The following KCNT1 variants were observed in gnomAD, a reference collection of about 807,000 sequenced individuals.
KCNT1 encodes the protein potassium sodium-activated channel subfamily T member 1, also known as potassium channel subfamily T member 1.
Under a neutral mutation model 147.8 loss-of-function variants are expected in KCNT1, and 78 were observed. That is an observed-to-expected ratio of 0.53 (90% confidence interval 0.44 to 0.64). The LOEUF is 0.64. KCNT1 is among the 30% of genes least tolerant of loss of function. KCNT1 has a pLI of 0.00. For missense variants in KCNT1, 1,419 were observed against 1,750.3 expected (o/e 0.81, Z 3.38); for synonymous variants, 867 against 748.8 (o/e 1.16, Z -2.58).
At chr9:135,731,991 T>TATATATATATAGAGAGAG (rs1276318460) in intron 2 of KCNT1, among the ~76,000 whole-genome samples, 6 of 21,728 alleles carry the variant, frequency 2.8e-4, no homozygotes, top group Admixed American at 6.9e-4. Flanking sequence ...TATATATATA[T>TATATATATATAGAGAGAG]AGAGAGAGAG....
At chr9:135,784,510 C>CA in intron 25 of KCNT1, 25 bp from the exon 26 acceptor site, 1 of 493,832 alleles carries the variant, frequency 2.0e-6, no homozygotes, top group South Asian at 2.7e-5. Flanking sequence ...TCCCTCCCTC[C>CA]CTCCCTCCCT....
rs1023562151 is a variant in KCNT1, at chr9:135,793,259, C to G, written c.*1098C>G. On this transcript the variant is annotated 3_prime_UTR_variant, in exon 31 of 31. Transcript: ENST00000371757. ...CCCACCCCAACCCCATAGGCAAGCC[C>G]CCATTCCCCAGCCAGGCCAGGACAG... 6.6e-6 allele frequency: 1 copy of G among 152,230 alleles called. No individual in the cohort carries two copies. The highest frequency in any genetic ancestry group is 2.4e-5 in the African/African-American group (1 of 41,442). 9.4% of individuals were successfully genotyped at this position (152,230 alleles called of 1,614,324 possible).
chr9:135,727,836 C>T (rs1054960604), intron 2 of KCNT1, among the ~76,000 whole-genome samples: 3 of 152,202 alleles, frequency 2.0e-5, no homozygotes, highest in Non-Finnish European at 4.4e-5. Flanking sequence ...CGAAGGATGA[C>T]CATCCTGACT....
intron 2 of KCNT1, among the ~76,000 whole-genome samples, chr9:135,726,730 C>T: frequency 2.4e-5 from 3 of 124,804 alleles, no homozygotes; most frequent in African/African-American, 6.2e-5. Context: ...TCACTCTCTA[C>T]CTTTCCCTCC....
In KCNT1 at chr9:135,786,415, G is replaced by C. The variant is rs1834054777; in HGVS notation, c.3396G>C (p.Trp1132Cys). 2 of 1,585,102 alleles carry C rather than the reference G, an allele frequency of 1.3e-6. No homozygotes were observed. Among genetic ancestry groups the C allele is most frequent in the East Asian group, 2.3e-5 (1 of 43,264 alleles). ...CAGGCCGGGCGGCGGCCGCGGAGTG[G>C]ATCAGCCAGCAGCGCCTCAGCCTGT... Reference protein sequence around the residue: ...KQAGRAAAAEWISQQRLSLYR... With the variant: ...KQAGRAAAAECISQQRLSLYR... Residue 1132 changes from tryptophan (W) to cysteine (C), a missense_variant, in exon 29 of 31, where the codon TGG (tryptophan) becomes TGC (cysteine). Trp to Cys is a radical substitution (Grantham distance 215). Transcript: ENST00000371757.
rs566528950 is a variant in KCNT1 at position 135,774,632 on chromosome 9, TG to T, written c.2244-677del. The stretch of plus-strand genomic sequence containing the variant: ...GTTGTGTATGTTGTGTGTCGATGTG[TG>T]TGTTGTGTGTCTGGGTGTGTGGTGT... On this transcript the variant is annotated intron_variant, in intron 19 of 30. Coordinates refer to ENST00000371757, the MANE Select transcript of KCNT1 (RefSeq NM_020822.3). 1.1e-4 allele frequency among the ~76,000 whole-genome samples: 17 copies of T among 151,710 alleles called. No homozygotes were observed. In the East Asian group the frequency reaches 1.9e-3, roughly 17 times the overall value.
chr9:135,712,450 T>A (rs1835541312), intron 1 of KCNT1, among the ~76,000 whole-genome samples: 1 of 152,054 alleles, frequency 6.6e-6, no homozygotes, highest in South Asian at 2.1e-4. Context: ...GGGTGCAGAA[T>A]TCGAGGTGGG....
At chr9:135,719,516 G>A (rs896933219) in intron 2 of KCNT1, among the ~76,000 whole-genome samples, 22 of 152,166 alleles carry the variant, frequency 1.4e-4, no homozygotes, top group Non-Finnish European at 2.4e-4. Flanking sequence ...TCCAGACAAG[G>A]AGTCCCAGTG....
chr9:135,785,481 C>T (rs1833972363), intron 28 of KCNT1, 151 bp downstream of exon 28: 2 of 956,428 alleles, frequency 2.1e-6, no homozygotes, highest in African/African-American at 3.4e-5. Context: ...TGTGTCGGCC[C>T]CAGCACGGCT....
rs751890981 is a variant in KCNT1, at chr9:135,765,656, G to C, written c.1233G>C (p.Glu411Asp). The C allele has an allele frequency of 1.9e-6, 3 of 1,611,180 alleles. No individual in the cohort carries two copies. The Admixed American group carries it at 5.0e-5, about 27-fold the overall frequency. ...ACGTGGTCATCCTGTGCCCCACGGAGATGGATGTCCAGGTGCGCAGAGTCC... is the reference window on the plus strand; with the variant it reads ...ACGTGGTCATCCTGTGCCCCACGGACATGGATGTCCAGGTGCGCAGAGTCC... ...DYYVVILCPTEMDVQVRRVLQ... is the reference protein window; with the variant it reads ...DYYVVILCPTDMDVQVRRVLQ... Residue 411 changes from glutamate to aspartate, a missense_variant, in exon 13 of 31, where the codon GAG becomes GAC. By Grantham distance (45) the Glu-to-Asp change is conservative (BLOSUM62 2). Around this residue, in one of 5 missense-constraint regions of KCNT1, gnomAD observed 401 missense variants for 610.6 expected, o/e 0.66. Transcript: ENST00000371757.
chr9:135,794,604 G>A lies in KCNT1; in HGVS notation c.*2443G>A, dbSNP rs576999055. 2.6e-5 allele frequency: 4 copies of A among 152,304 alleles called. No individual in the cohort carries two copies. The highest frequency in any genetic ancestry group is 1.9e-4 in the East Asian group (1 of 5,178). 9.4% of individuals were successfully genotyped at this position (152,304 alleles called of 1,614,324 possible). On this transcript the variant is annotated 3_prime_UTR_variant, in exon 31 of 31. Coordinates refer to ENST00000371757, the MANE Select transcript of KCNT1 (RefSeq NM_020822.3). ...GCCGTGGACACAGGTGGCACCCAGC[G>A]CCCAGCGGCCTGTGAATCCTCCCGT...
chr9:135,737,446 C>A (rs1471642811), intron 2 of KCNT1, among the ~76,000 whole-genome samples: 1 of 152,188 alleles, frequency 6.6e-6, no homozygotes, highest in Non-Finnish European at 1.5e-5. Flanking sequence ...CAGCACCTTT[C>A]CCGTGCCAGG....
At chr9:135,719,535 T>C (rs949107827) in intron 2 of KCNT1, among the ~76,000 whole-genome samples, 1 of 150,588 alleles carries the variant, frequency 6.6e-6, no homozygotes, top group African/African-American at 2.4e-5. Flanking sequence ...TGGGGAGGGG[T>C]GGGGCAGGCA....
At position 135,757,150 on chromosome 9, in the gene KCNT1, C is replaced by T; in HGVS notation, c.601-6C>T. The T allele has an allele frequency of 2.3e-6, 3 of 1,325,368 alleles. No homozygotes were observed. The highest frequency in any genetic ancestry group is 2.0e-6 in the Non-Finnish European group (2 of 997,974). The allele number at this position is 1,325,368 out of a possible 1,614,324, so 82.1% of individuals were successfully genotyped here. ...GCCCCCGCTGATACCCCCCGTTTGGCCCCAGGGCAACATCTGGGAGCAGAT... is the reference window on the plus strand; with the variant it reads ...GCCCCCGCTGATACCCCCCGTTTGGTCCCAGGGCAACATCTGGGAGCAGAT... On this transcript the variant is annotated splice_region_variant and splice_polypyrimidine_tract_variant and intron_variant, in intron 7 of 30. Transcript: ENST00000371757.
Position 135,714,825 on chromosome 9 carries a change from C to T in KCNT1, c.254+105C>T. 1.2e-6 allele frequency: 1 copy of T among 819,910 alleles called. No homozygotes were observed. Among genetic ancestry groups the T allele is most frequent in the Non-Finnish European group, 1.5e-6 (1 of 647,042 alleles). 50.8% of individuals were successfully genotyped at this position (819,910 alleles called of 1,614,324 possible). ...GGCCGGTCCCGCGCGCCCCCGCAGC[C>T]GCCGGCGCCCTTCAACTTTTCCCGG... On this transcript the variant is annotated intron_variant, in intron 2 of 30. Transcript: ENST00000371757. The surrounding 1 kb of genome is among the most constrained non-coding windows in gnomAD (Gnocchi z 6.2).
In KCNT1 at chr9:135,771,258, G is replaced by GGGACGGGAGACCAGGCA; in HGVS notation, c.2008+166_2008+182dup. On this transcript the variant is annotated intron_variant, in intron 18 of 30. Coordinates refer to ENST00000371757, the MANE Select transcript of KCNT1 (RefSeq NM_020822.3). ...GCAGGACAGGGGCAGGTGACCAGGT[G>GGGACGGGAGACCAGGCA]GGACGGGAGACCAGGCAGGGCGGGA... 3 of 660,062 alleles carry GGGACGGGAGACCAGGCA rather than the reference G, an allele frequency of 4.5e-6. No homozygotes were observed. The South Asian group carries it at 5.7e-5, about 13-fold the overall frequency. The allele number at this position is 660,062 out of a possible 1,614,324, so 40.9% of individuals were successfully genotyped here. A position where few individuals can be genotyped will look rare whatever the true frequency, so the allele number is the denominator to read the frequency against.
chr9:135,756,840 G>A (rs1271310243), intron 6 of KCNT1, 33 bp from the exon 7 acceptor site: 8 of 1,602,116 alleles, frequency 5.0e-6, no homozygotes, highest in East Asian at 2.2e-5. Flanking sequence ...GCCCCGGCCT[G>A]CTCCAGAGCT....
In KCNT1 at chr9:135,726,860, CCT is replaced by C. The variant is rs138631905; in HGVS notation, c.254+12147_254+12148del. On this transcript the variant is annotated intron_variant, in intron 2 of 30. Coordinates refer to ENST00000371757, the MANE Select transcript of KCNT1 (RefSeq NM_020822.3). ...CTCCCTGTCTCTCTCCCTCCCTCTC[CCT>C]CTCTCTTTCCCATTCTCTCTCTCCC... Among the ~76,000 whole-genome samples the C allele has an allele frequency of 1.8e-4, 17 of 92,970 alleles. No homozygotes were observed. In the South Asian group the frequency reaches 5.8e-3, roughly 32 times the overall value. The allele number at this position is 92,970 out of a possible 152,430, so 61.0% of individuals were successfully genotyped here. A position where few individuals can be genotyped will look rare whatever the true frequency, so the allele number is the denominator to read the frequency against.
Position 135,792,593 on chromosome 9 carries a change from C to T in KCNT1, c.*432C>T, listed in dbSNP as rs181692700. 1,338 of 161,456 alleles carry T rather than the reference C, an allele frequency of 8.3e-3. 27 individuals are homozygous for T. The highest frequency in any genetic ancestry group is 0.03 in the African/African-American group (1,258 of 41,650). The allele number at this position is 161,456 out of a possible 1,614,324, so 10.0% of individuals were successfully genotyped here. On this transcript the variant is annotated 3_prime_UTR_variant, in exon 31 of 31. Transcript: ENST00000371757. ...ACACCCAACTCAGAGCCGGCCTGAG[C>T]GTTCACGGCCAGGCAGCCTCGCTTC...
Sources: gnomAD v4.1 joint callset for allele counts (sites outside exome capture counted in the v4.1 genomes callset) on GRCh38, gnomAD v4.1.1 for gene constraint, gnomAD v4.1.1 regional missense constraint, Gnocchi (gnomAD v3.1) non-coding constraint, MANE v1.5 for transcripts, NCBI Gene and HGNC (gene_info 2026-07-23, HGNC 2026-07-21) for gene names.